PPP1R1C: variants seen among roughly 807,000 people sequenced by gnomAD.
PPP1R1C encodes protein phosphatase 1 regulatory inhibitor subunit 1C.
A neutral mutation model predicts 17.4 loss-of-function variants in PPP1R1C; 15 were observed. The observed-to-expected ratio is 0.86, with a 90% CI of 0.58 to 1.33. The LOEUF (loss-of-function observed/expected upper bound fraction) is 1.33, where lower values mean the gene tolerates loss of function less well. Ranked by LOEUF, PPP1R1C falls within the 40% of genes most tolerant of loss-of-function variation. The probability of loss-of-function intolerance (pLI) is 0.00; values close to 1 mark genes in which losing one functional copy is unlikely to be tolerated. For synonymous variants in PPP1R1C, 35 were observed against 43.1 expected, an observed-to-expected ratio of 0.81 and a Z score of 0.73; for missense variants, 143 against 130.0, an observed-to-expected ratio of 1.10 and a Z score of -0.48.
intron 4 of PPP1R1C, among the ~76,000 whole-genome samples, chr2:182,108,498 G>T (rs966510126): frequency 2.0e-5 from 3 of 151,966 alleles, no homozygotes; most frequent in African/African-American, 7.3e-5. Context: ...TTTAAATGTT[G>T]TCTACATAAT....
intron 2 of PPP1R1C, among the ~76,000 whole-genome samples, chr2:182,026,393 G>A (rs1235793562): frequency 7.2e-6 from 1 of 138,058 alleles, no homozygotes; most frequent in African/African-American, 2.7e-5. Flanking sequence ...TGTATAAGGT[G>A]TAAGGAAGGG....
downstream of PPP1R1C, chr2:182,117,797 A>G (rs541658969): frequency 6.6e-6 from 1 of 152,316 alleles, no homozygotes; most frequent in South Asian, 2.1e-4. Flanking sequence ...AACAGAACAC[A>G]ATGTTCATTT....
At chr2:181,977,763 C>A (rs920432792) in intron 2 of PPP1R1C, among the ~76,000 whole-genome samples, 2 of 152,150 alleles carry the variant, frequency 1.3e-5, no homozygotes, top group African/African-American at 4.8e-5. Context: ...CTTGTCTCTG[C>A]TCCACTATGT....
intron 2 of PPP1R1C, 81 bp from the exon 3 acceptor site, chr2:182,061,361 C>T: frequency 1.0e-6 from 1 of 955,224 alleles, no homozygotes; most frequent in Admixed American, 3.2e-5. Context: ...TCATTTTTAT[C>T]CGTGTTGTTG....
chr2:182,034,631 A>G (rs1481568181), intron 2 of PPP1R1C, among the ~76,000 whole-genome samples: 4 of 152,192 alleles, frequency 2.6e-5, no homozygotes, highest in African/African-American at 9.7e-5. Context: ...ACTCATACCT[A>G]TTCGAATTAA....
intron 4 of PPP1R1C, among the ~76,000 whole-genome samples, chr2:182,109,184 T>C (rs866729672): frequency 6.6e-6 from 1 of 152,220 alleles, no homozygotes; most frequent in Non-Finnish European, 1.5e-5. Flanking sequence ...CATTCTTAAT[T>C]GGATTGTTTG....
At chr2:182,036,144 T>A (rs1686998813) in intron 2 of PPP1R1C, among the ~76,000 whole-genome samples, 2 of 152,160 alleles carry the variant, frequency 1.3e-5, no homozygotes, top group Admixed American at 6.5e-5. Context: ...TTCAATTTAT[T>A]TGGTAACACA....
chr2:182,128,066 C>T (rs1033968564), intron 5 of PPP1R1C, among the ~76,000 whole-genome samples: 6 of 151,928 alleles, frequency 3.9e-5, no homozygotes, highest in African/African-American at 1.2e-4. Context: ...AAACACAAGA[C>T]CAAAATTCTA....
intron 2 of PPP1R1C, among the ~76,000 whole-genome samples, chr2:182,041,850 C>T (rs955290386): frequency 6.6e-6 from 1 of 152,152 alleles, no homozygotes; most frequent in East Asian, 1.9e-4. Context: ...AAATTCATAA[C>T]CTCTGTTTAT....
rs370228754 is a variant in PPP1R1C at position 181,994,737 on chromosome 2, CAG to C, written c.142+6842_142+6843del. 6.1e-4 allele frequency among the ~76,000 whole-genome samples: 93 copies of C among 152,230 alleles called. 2 individuals carry two copies. Among genetic ancestry groups the C allele is most frequent in the African/African-American group, 2.2e-3 (90 of 41,550 alleles). On this transcript the variant is annotated intron_variant, in intron 2 of 4. Coordinates refer to ENST00000682840, the MANE Select transcript of PPP1R1C (RefSeq NM_001080545.3). Reference sequence around the variant, plus strand: ...CTCTGGGAACATGTGGTCTAGGTAACAGAGAATATTATGTCTGGATGTACCAT... The same window carrying C: ...CTCTGGGAACATGTGGTCTAGGTAACAGAATATTATGTCTGGATGTACCAT...
downstream of PPP1R1C, among the ~76,000 whole-genome samples, chr2:182,119,057 C>T (rs1211977602): frequency 1.3e-5 from 2 of 151,992 alleles, no homozygotes; most frequent in Non-Finnish European, 2.9e-5. Context: ...CTCCCCCCAC[C>T]ACCCACCCCA....
chr2:181,971,862 T>C (rs1430953082), intron 1 of PPP1R1C, among the ~76,000 whole-genome samples: 2 of 152,182 alleles, frequency 1.3e-5, no homozygotes, highest in Non-Finnish European at 2.9e-5. Flanking sequence ...TGAGTTCCAA[T>C]GCAGTCCCAC....
At chr2:182,075,048 C>A (rs1288491115) in intron 4 of PPP1R1C, among the ~76,000 whole-genome samples, 1 of 152,100 alleles carries the variant, frequency 6.6e-6, no homozygotes, top group East Asian at 1.9e-4. Flanking sequence ...CAGGAAATTG[C>A]TATGTGCACA....
rs548095090 is a variant in PPP1R1C at position 181,962,758 on chromosome 2, G to C, written n.111+8124G>C. Among the ~76,000 whole-genome samples, 1 of 152,178 alleles carries C rather than the reference G, an allele frequency of 6.6e-6. No homozygotes were observed. The highest frequency in any genetic ancestry group is 2.1e-4 in the South Asian group (1 of 4,828). On this transcript the variant is annotated intron_variant and non_coding_transcript_variant, in intron 1 of 5. Coordinates refer to the PPP1R1C transcript ENST00000464264. This position sits in a 1 kb window ranked among gnomAD's most constrained non-coding sequence, Gnocchi z 6.0. Reference sequence around the variant, plus strand: ...TTTGATATACAGTGAGTTTTCCTAGGAGAGTCCCTTTTGTATGAGACTGTG... The same window carrying C: ...TTTGATATACAGTGAGTTTTCCTAGCAGAGTCCCTTTTGTATGAGACTGTG...
At chr2:182,086,543 C>G (rs978535921) in intron 4 of PPP1R1C, among the ~76,000 whole-genome samples, 10 of 152,064 alleles carry the variant, frequency 6.6e-5, no homozygotes, top group African/African-American at 2.4e-4. Flanking sequence ...GAGGAAATTG[C>G]ATACCAGAAA....
intron 2 of PPP1R1C, among the ~76,000 whole-genome samples, chr2:182,053,247 GA>G (rs1362425696): frequency 6.6e-6 from 1 of 152,106 alleles, no homozygotes; most frequent in Non-Finnish European, 1.5e-5. Flanking sequence ...TAGTTGTGGT[GA>G]AAAATGTTTT....
At position 182,127,019 on chromosome 2, in the gene PPP1R1C, G is replaced by A. The variant is rs200247617; in HGVS notation, c.*7-1955G>A. Among the ~76,000 whole-genome samples, 19 of 152,096 alleles carry A rather than the reference G, an allele frequency of 1.2e-4. No individual in the cohort carries two copies. In the East Asian group the frequency reaches 3.1e-3, roughly 25 times the overall value. ...ATTTCAGTAACAATGAAGCTAATTC[G>A]AAGGAACGAACATAGTGAGAATCCC... is the stretch of plus-strand genomic sequence containing the variant. On this transcript the variant is annotated intron_variant, in intron 5 of 5. Transcript: ENST00000280295.
intron 2 of PPP1R1C, among the ~76,000 whole-genome samples, chr2:182,044,596 C>G (rs79474787): frequency 7.4e-4 from 113 of 152,238 alleles, no homozygotes; most frequent in African/African-American, 2.6e-3. Context: ...GATAGATGCC[C>G]CTGATATATG....
At chr2:182,032,362 AC>A (rs535592802) in intron 2 of PPP1R1C, among the ~76,000 whole-genome samples, 40 of 152,264 alleles carry the variant, frequency 2.6e-4, no homozygotes, top group Non-Finnish European at 5.0e-4. Context: ...TAGTTTGCAA[AC>A]CCATTACTCT....
Sources: gnomAD v4.1 joint callset for allele counts (sites outside exome capture counted in the v4.1 genomes callset) on GRCh38, gnomAD v4.1.1 for gene constraint, Gnocchi (gnomAD v3.1) non-coding constraint, MANE v1.5 for transcripts, NCBI Gene and HGNC (gene_info 2026-07-23, HGNC 2026-07-21) for gene names.